The following C1QTNF3 variants were observed in gnomAD, a reference collection of about 807,000 sequenced individuals.
C1QTNF3 encodes C1q and TNF related 3.
C1QTNF3 carries 26 observed loss-of-function variants against 32.6 expected under a neutral mutation model. The observed-to-expected ratio is 0.80, with a 90% CI of 0.58 to 1.11. The LOEUF is 1.11. Among genes scored for constraint, C1QTNF3 ranks in the 50% least tolerant of loss-of-function variants. The pLI is 0.00. For missense variants in C1QTNF3, 362 were observed against 398.2 expected (o/e 0.91, Z 0.77); for synonymous variants, 155 against 146.0 (o/e 1.06, Z -0.44).
At chr5:34,117,984 T>G in the C1QTNF3 span, among the ~76,000 whole-genome samples, 1 of 152,188 alleles carries the variant, frequency 6.6e-6, no homozygotes, top group East Asian at 1.9e-4. Context: ...TCAATTATAC[T>G]TCATCTTATA....
At chr5:34,072,593 C>T in the C1QTNF3 span, among the ~76,000 whole-genome samples, 3 of 151,702 alleles carry the variant, frequency 2.0e-5, no homozygotes, top group Non-Finnish European at 2.9e-5. Context: ...TTCATGGGAT[C>T]GCAAGGAAAG....
the C1QTNF3 span, among the ~76,000 whole-genome samples, chr5:34,153,606 AC>A: frequency 4.2e-5 from 2 of 48,140 alleles, no homozygotes; most frequent in Non-Finnish European, 8.0e-5. Context: ...TATCGCAAGA[AC>A]AAAAAACCAA....
At chr5:34,243,087 C>G in the C1QTNF3 span, among the ~76,000 whole-genome samples, 2 of 151,712 alleles carry the variant, frequency 1.3e-5, no homozygotes, top group South Asian at 4.2e-4. Context: ...ACACGTTTAT[C>G]TATGTAACAA....
At chr5:34,209,733 T>C in the C1QTNF3 span, among the ~76,000 whole-genome samples, 1 of 152,108 alleles carries the variant, frequency 6.6e-6, no homozygotes, top group African/African-American at 2.4e-5. Flanking sequence ...ATCATATATA[T>C]AGTTTTACAG....
chr5:34,115,898 T>C, the C1QTNF3 span, among the ~76,000 whole-genome samples: 2 of 152,182 alleles, frequency 1.3e-5, no homozygotes, highest in Non-Finnish European at 2.9e-5. Flanking sequence ...CTGCAGTAAA[T>C]CTTTGATCAT....
the C1QTNF3 span, among the ~76,000 whole-genome samples, chr5:34,157,845 T>C: frequency 6.6e-6 from 1 of 152,210 alleles, no homozygotes; most frequent in Non-Finnish European, 1.5e-5. Flanking sequence ...TATAGATCTG[T>C]AAGACGATGA....
At chr5:34,020,782 A>G (rs772898293) in intron 5 of C1QTNF3, 40 bp from the exon 6 acceptor site, 1 of 1,590,934 alleles carries the variant, frequency 6.3e-7, no homozygotes, top group South Asian at 1.1e-5. Flanking sequence ...AGTTTTTGCC[A>G]TGAACAACCA....
At chr5:34,174,700 C>G in the C1QTNF3 span, among the ~76,000 whole-genome samples, 1 of 152,188 alleles carries the variant, frequency 6.6e-6, no homozygotes, top group Non-Finnish European at 1.5e-5. Flanking sequence ...AACTTGGCAG[C>G]CTCTCATCCA....
At chr5:34,141,333 T>A in the C1QTNF3 span, among the ~76,000 whole-genome samples, 1 of 152,128 alleles carries the variant, frequency 6.6e-6, no homozygotes. Context: ...TTAGCCAGGA[T>A]AGTCTCGATC....
At chr5:34,115,227 T>G in the C1QTNF3 span, among the ~76,000 whole-genome samples, 2 of 152,240 alleles carry the variant, frequency 1.3e-5, no homozygotes, top group Non-Finnish European at 2.9e-5. Context: ...TGTTTCTTAG[T>G]AAGCAATCTA....
intron 3 of C1QTNF3, among the ~76,000 whole-genome samples, chr5:34,030,113 A>AAT (rs1385145374): frequency 1.6e-4 from 25 of 152,200 alleles, no homozygotes; most frequent in African/African-American, 5.5e-4. Context: ...AATCTTTTTG[A>AAT]ATATTAGAAC....
the C1QTNF3 span, among the ~76,000 whole-genome samples, chr5:34,145,577 C>T: frequency 6.7e-6 from 1 of 149,458 alleles, no homozygotes; most frequent in Non-Finnish European, 1.5e-5. Context: ...GAACTGACAT[C>T]AATCCTACTG....
chr5:34,205,700 T>G, the C1QTNF3 span, among the ~76,000 whole-genome samples: 1 of 150,790 alleles, frequency 6.6e-6, no homozygotes, highest in Non-Finnish European at 1.5e-5. Context: ...TTTATAACAA[T>G]GGGATAATGG....
chr5:34,125,884 A>T, the C1QTNF3 span, among the ~76,000 whole-genome samples: 10 of 152,200 alleles, frequency 6.6e-5, no homozygotes, highest in Non-Finnish European at 1.2e-4. Flanking sequence ...CTTTTATTAT[A>T]GGCTTTTTCC....
At chr5:34,220,677 ACTC>A in the C1QTNF3 span, among the ~76,000 whole-genome samples, 2 of 151,878 alleles carry the variant, frequency 1.3e-5, no homozygotes, top group Admixed American at 1.3e-4. Flanking sequence ...GTTGCTATCT[ACTC>A]CTCAGAAATC....
At chr5:34,213,308 A>T in the C1QTNF3 span, among the ~76,000 whole-genome samples, 2 of 152,084 alleles carry the variant, frequency 1.3e-5, no homozygotes, top group African/African-American at 2.4e-5. Context: ...CTAACCACAC[A>T]CTTCTCAGAA....
chr5:34,124,720 T>G, the C1QTNF3 span, among the ~76,000 whole-genome samples: 1 of 152,136 alleles, frequency 6.6e-6, no homozygotes, highest in African/African-American at 2.4e-5. Context: ...CAGATTAGGA[T>G]TTTTGTTTTG....
the C1QTNF3 span, among the ~76,000 whole-genome samples, chr5:34,156,982 C>T: frequency 6.6e-6 from 1 of 152,144 alleles, no homozygotes; most frequent in Non-Finnish European, 1.5e-5. Context: ...TGTTGATTTC[C>T]TCTCCAAACC....
the C1QTNF3 span, among the ~76,000 whole-genome samples, chr5:34,147,019 C>T: frequency 1.3e-5 from 2 of 152,134 alleles, no homozygotes; most frequent in Non-Finnish European, 2.9e-5. Flanking sequence ...ACAGATACTT[C>T]TGAATAGAAG....
Sources: gnomAD v4.1 joint callset for allele counts (sites outside exome capture counted in the v4.1 genomes callset) on GRCh38, gnomAD v4.1.1 for gene constraint, MANE v1.5 for transcripts, NCBI Gene and HGNC (gene_info 2026-07-23, HGNC 2026-07-21) for gene names.